SPACA7: variants seen among roughly 807,000 people sequenced by gnomAD.
SPACA7 encodes the protein sperm acrosome-associated protein 7.
SPACA7 carries 19 observed loss-of-function variants against 26.3 expected under a neutral mutation model. The ratio of observed to expected loss-of-function variants is 0.72; its 90% CI spans 0.50 to 1.06. The LOEUF is 1.06. SPACA7 is among the 50% of genes least tolerant of loss of function. SPACA7 has a pLI of 0.00. For missense variants in SPACA7, 211 were observed against 229.9 expected, an observed-to-expected ratio of 0.92 and a Z score of 0.53; for synonymous variants, 84 against 84.5, an observed-to-expected ratio of 0.99 and a Z score of 0.04.
rs143709783 is a variant in SPACA7 at position 112,398,084 on chromosome 13, A to T, written c.187A>T (p.Lys63Ter). 94 of 1,613,818 alleles carry T rather than the reference A, an allele frequency of 5.8e-5. No individual in the cohort carries two copies. The highest frequency in any genetic ancestry group is 7.5e-5 in the Non-Finnish European group (88 of 1,179,818). Residue 63 changes from lysine (K) to a stop codon, truncating the protein, a stop_gained, in exon 3 of 7, where the codon AAA (lysine) becomes TAA (stop). Transcript: ENST00000283550. LOFTEE classifies it high-confidence loss of function. ...ILVQEILDLN[K>*]TTPSEMPSTA... ...GGTCCAGGAGATTTTAGATCTGAAT[A>T]AAACAACACCGAGCGAAATGCCAAG...
intron 5 of SPACA7, among the ~76,000 whole-genome samples, chr13:112,415,181 C>A (rs1381810158): frequency 6.6e-6 from 1 of 152,236 alleles, no homozygotes; most frequent in African/African-American, 2.4e-5. Context: ...CAGACGGAAT[C>A]TCTCTCCACA....
chr13:112,384,379 A>C (rs1431269101), intron 1 of SPACA7, among the ~76,000 whole-genome samples: 4 of 152,076 alleles, frequency 2.6e-5, no homozygotes, highest in African/African-American at 9.7e-5. Flanking sequence ...TAGGAGTTTT[A>C]CATAATTTTG....
At chr13:112,417,969 C>A (rs1256824711) in intron 5 of SPACA7, among the ~76,000 whole-genome samples, 3 of 152,002 alleles carry the variant, frequency 2.0e-5, no homozygotes, top group Non-Finnish European at 4.4e-5. Context: ...TTTGTGTAAT[C>A]TTATTTTTCT....
intron 1 of SPACA7, chr13:112,382,427 G>C: frequency 6.5e-7 from 1 of 1,549,332 alleles, no homozygotes; most frequent in Non-Finnish European, 8.7e-7. Context: ...GGTGCAGGCT[G>C]TGAAGATGGG....
intron 5 of SPACA7, among the ~76,000 whole-genome samples, chr13:112,410,804 A>G (rs959465993): frequency 2.0e-5 from 3 of 152,178 alleles, no homozygotes; most frequent in Admixed American, 2.0e-4. Context: ...TTCTGGGTAT[A>G]CACCCAAAAT....
chr13:112,393,103 C>G, intron 2 of SPACA7, 26 bp downstream of exon 2: 1 of 1,599,166 alleles, frequency 6.3e-7, no homozygotes, highest in Non-Finnish European at 8.6e-7. Context: ...CTATCAACCT[C>G]TGGCCTGTAC....
At chr13:112,383,209 AG>A (rs1281390381) in intron 1 of SPACA7, among the ~76,000 whole-genome samples, 3 of 143,252 alleles carry the variant, frequency 2.1e-5, no homozygotes, top group Non-Finnish European at 4.8e-5. Context: ...AAAGAAAGAA[AG>A]GAAAGAAGGA....
intron 5 of SPACA7, among the ~76,000 whole-genome samples, chr13:112,419,026 A>AG: frequency 6.6e-6 from 1 of 152,112 alleles, no homozygotes. Context: ...CCATTTAAAA[A>AG]AAAAAACAAA....
chr13:112,406,862 A>T (rs111703831), intron 5 of SPACA7, among the ~76,000 whole-genome samples: 1 of 152,136 alleles, frequency 6.6e-6, no homozygotes, highest in East Asian at 1.9e-4. Context: ...CTTCACCAAG[A>T]GGACCTAATA....
chr13:112,415,255 C>G (rs1450881875), intron 5 of SPACA7, among the ~76,000 whole-genome samples: 1 of 152,142 alleles, frequency 6.6e-6, no homozygotes, highest in Non-Finnish European at 1.5e-5. Context: ...CAGCTGGCAC[C>G]AATGCTGGGT....
rs869183760 is a variant in SPACA7 at position 112,414,388 on chromosome 13, C to CTTT, written c.445+13262_445+13264dup. On this transcript the variant is annotated intron_variant, in intron 5 of 6. Coordinates refer to ENST00000283550, the MANE Select transcript of SPACA7 (RefSeq NM_145248.5). ...AAGTTTCTGAATGGCTTTTCTGTGT[C>CTTT]TTTTTTTTTTTTTTTTTTTTTTTTT... Among the ~76,000 whole-genome samples the CTTT allele has an allele frequency of 5.7e-4, 18 of 31,394 alleles. 8 individuals carry two copies. Among genetic ancestry groups the CTTT allele is most frequent in the Non-Finnish European group, 9.3e-4 (16 of 17,228 alleles). 20.6% of individuals were successfully genotyped at this position (31,394 alleles called of 152,430 possible).
In SPACA7 at chr13:112,434,519, C is replaced by T. The variant is rs146991340; in HGVS notation, c.558C>T (p.Ser186=). The change falls in exon 7 of 7, where the codon AGC becomes AGT. Residue 186 remains serine, a synonymous_variant. Coordinates refer to ENST00000283550, the MANE Select transcript of SPACA7 (RefSeq NM_145248.5). ...NIFHKEQQRT[S]AQRRSQGSQ is the part of the protein sequence containing the mutation. ...TCCATAAAGAGCAGCAGAGGACCAG[C>T]GCACAGAGGAGGAGCCAAGGCAGTC... 3.4e-4 allele frequency: 552 copies of T among 1,610,372 alleles called. No individual in the cohort carries two copies. The highest frequency in any genetic ancestry group is 4.2e-4 in the Non-Finnish European group (499 of 1,178,550).
intron 5 of SPACA7, among the ~76,000 whole-genome samples, chr13:112,408,349 G>A (rs1052386493): frequency 3.9e-5 from 6 of 152,156 alleles, no homozygotes; most frequent in African/African-American, 1.4e-4. Flanking sequence ...ATTCAACATA[G>A]TGTTGGAAAT....
chr13:112,387,311 AT>A (rs1248784870), intron 1 of SPACA7, among the ~76,000 whole-genome samples: 2 of 152,202 alleles, frequency 1.3e-5, no homozygotes, highest in African/African-American at 4.8e-5. Flanking sequence ...AGACAGAAAA[AT>A]TTCATCCAGT....
At chr13:112,406,725 GTGACTGA>G (rs1886011438) in intron 5 of SPACA7, among the ~76,000 whole-genome samples, 1 of 152,172 alleles carries the variant, frequency 6.6e-6, no homozygotes, top group Non-Finnish European at 1.5e-5. Context: ...CATTATGGAT[GTGACTGA>G]TAATTCATCA....
intron 5 of SPACA7, among the ~76,000 whole-genome samples, chr13:112,407,433 GT>G (rs1214347642): frequency 1.9e-4 from 29 of 152,224 alleles, no homozygotes; most frequent in African/African-American, 4.8e-5. Context: ...CCAGGAGCTG[GT>G]TTTTTGAAAA....
chr13:112,401,616 T>G (rs1211526509), intron 5 of SPACA7, among the ~76,000 whole-genome samples: 1 of 152,198 alleles, frequency 6.6e-6, no homozygotes, highest in Non-Finnish European at 1.5e-5. Flanking sequence ...TAGCCAAAAT[T>G]ATCAATCTCT....
intron 2 of SPACA7, among the ~76,000 whole-genome samples, chr13:112,394,238 G>C (rs1159149227): frequency 6.6e-6 from 1 of 152,152 alleles, no homozygotes; most frequent in African/African-American, 2.4e-5. Context: ...GGGAAACTGA[G>C]GCCCAGAATG....
rs1444492767 is a variant in SPACA7, at chr13:112,401,093, A to C, written c.374A>C (p.His125Pro). Residue 125 changes from histidine (H) to proline (P), a missense_variant, in exon 5 of 7, where the codon CAT becomes CCT. His to Pro is a moderately conservative substitution (Grantham distance 77). Transcript: ENST00000283550. Reference sequence around the variant, plus strand: ...GAAGCCAATGCTAATGCAAATCTCCATGGCGATCCTTCTGAGAATTATCGT... The same window carrying C: ...GAAGCCAATGCTAATGCAAATCTCCCTGGCGATCCTTCTGAGAATTATCGT... ...NDEANANANL[H>P]GDPSENYRGP... 1 of 1,613,998 alleles carries C rather than the reference A, an allele frequency of 6.2e-7. No homozygotes were observed. Among genetic ancestry groups the C allele is most frequent in the African/African-American group, 1.3e-5 (1 of 74,926 alleles).
Sources: allele counts gnomAD v4.1 joint callset (sites outside exome capture counted in the v4.1 genomes callset), GRCh38; gene constraint gnomAD v4.1.1; transcripts MANE v1.5; gene names NCBI Gene and HGNC (gene_info 2026-07-23, HGNC 2026-07-21).